The following ATXN7 variants were observed in gnomAD, a reference collection of about 807,000 sequenced individuals.
ATXN7 encodes ataxin-7.
A neutral mutation model predicts 70.5 loss-of-function variants in ATXN7; 12 were observed. That is an observed-to-expected ratio of 0.17 (90% CI 0.11 to 0.28). ATXN7 has a LOEUF of 0.28. ATXN7 is among the 10% of genes least tolerant of loss of function. The pLI is 1.00. For missense variants in ATXN7, 1,256 were observed against 1,131.7 expected, an observed-to-expected ratio of 1.11 and a Z score of -1.58; for synonymous variants, 498 against 448.7, an observed-to-expected ratio of 1.11 and a Z score of -1.39.
chr3:63,871,237 G>C (rs1702583370), intron 1 of ATXN7, among the ~76,000 whole-genome samples: 1 of 152,126 alleles, frequency 6.6e-6, no homozygotes, highest in African/African-American at 2.4e-5. Context: ...CAAATGTACA[G>C]TAAATACAGT....
chr3:63,908,984 T>G (rs575594113), intron 2 of ATXN7, among the ~76,000 whole-genome samples: 2 of 152,260 alleles, frequency 1.3e-5, no homozygotes, highest in African/African-American at 2.4e-5. Context: ...TGGTGACAGT[T>G]TTGATGAATT....
At position 63,995,712 on chromosome 3, in the gene ATXN7, T is replaced by C. The variant is rs552650114; in HGVS notation, c.1890T>C (p.Ala630=). 1.2e-6 allele frequency: 2 copies of C among 1,614,246 alleles called. No homozygotes were observed. Among genetic ancestry groups the C allele is most frequent in the Admixed American group, 3.3e-5 (2 of 60,024 alleles). The change falls in exon 12 of 13, where the codon GCT becomes GCC. Residue 630 remains alanine (A), a synonymous_variant. Coordinates refer to ENST00000674280, the MANE Select transcript of ATXN7 (RefSeq NM_001377405.1). ...GAACCACACTAAATGCACAGCCTGC[T>C]GCTTCAGGGGCGATGGATCCTGTGT... ...AHGTTLNAQP[A]ASGAMDPVCS... is the part of the protein sequence containing the mutation.
chr3:63,984,993 G>T (rs1030745446), intron 8 of ATXN7, among the ~76,000 whole-genome samples: 1 of 152,132 alleles, frequency 6.6e-6, no homozygotes, highest in Non-Finnish European at 1.5e-5. Context: ...TAGTATTCCA[G>T]TGTATGTATA....
chr3:63,868,409 T>C (rs1702498636), intron 1 of ATXN7, among the ~76,000 whole-genome samples: 1 of 152,204 alleles, frequency 6.6e-6, no homozygotes, highest in Non-Finnish European at 1.5e-5. Context: ...TAGCTCCTCT[T>C]TGGCCCGCAA....
Position 63,999,947 on chromosome 3 carries a change from A to T in ATXN7, c.*480A>T, listed in dbSNP as rs2075816830. 5.6e-6 allele frequency: 1 copy of T among 178,446 alleles called. No homozygotes were observed. Among genetic ancestry groups the T allele is most frequent in the Admixed American group, 5.6e-5 (1 of 17,966 alleles). The allele number at this position is 178,446 out of a possible 1,614,324, so 11.1% of individuals were successfully genotyped here. ...TTAGGCACCTTAACTGGAGACCAGA[A>T]ACCTTCCAGAGAACACAGGGCTGCA... On this transcript the variant is annotated 3_prime_UTR_variant, in exon 13 of 13. Transcript: ENST00000674280.
intron 1 of ATXN7, among the ~76,000 whole-genome samples, chr3:63,879,919 T>TAA (rs34232745): frequency 6.6e-6 from 1 of 150,578 alleles, no homozygotes; most frequent in South Asian, 2.1e-4. Flanking sequence ...CCATCTCTAC[T>TAA]AAAAAAAATA....
At chr3:63,986,113 AG>A (rs1459590698) in intron 8 of ATXN7, among the ~76,000 whole-genome samples, 1 of 152,080 alleles carries the variant, frequency 6.6e-6, no homozygotes, top group African/African-American at 2.4e-5. Context: ...GAGGTAGGAG[AG>A]GTGGAGGAAA....
chr3:63,865,665 G>A (rs1190286052), intron 1 of ATXN7, among the ~76,000 whole-genome samples: 1 of 151,976 alleles, frequency 6.6e-6, no homozygotes, highest in Non-Finnish European at 1.5e-5. Flanking sequence ...GCCGAGGCGG[G>A]AGGATCACGA....
intron 1 of ATXN7, among the ~76,000 whole-genome samples, chr3:63,884,150 A>G (rs890294855): frequency 2.6e-5 from 4 of 151,952 alleles, no homozygotes; most frequent in Non-Finnish European, 2.9e-5. Context: ...CAGGGAATAA[A>G]CAATATGAGC....
At position 63,962,908 on chromosome 3, in the gene ATXN7, C is replaced by CTATT. The variant is rs1553691654; in HGVS notation, c.499+10426_499+10427insATTT. Among the ~76,000 whole-genome samples the CTATT allele has an allele frequency of 1.4e-3, 189 of 136,330 alleles. 1 individual carries two copies. Among genetic ancestry groups the CTATT allele is most frequent in the South Asian group, 4.6e-3 (20 of 4,326 alleles). 89.4% of individuals were successfully genotyped at this position (136,330 alleles called of 152,430 possible). On this transcript the variant is annotated intron_variant, in intron 5 of 12. Coordinates refer to ENST00000674280, the MANE Select transcript of ATXN7 (RefSeq NM_001377405.1). ...GATGTAATACCAGAATTTTGTATTT[C>CTATT]TTTTTTTTTTTTTTTTTTCTTCTTC...
At chr3:63,959,587 G>A in intron 5 of ATXN7, among the ~76,000 whole-genome samples, 1 of 152,018 alleles carries the variant, frequency 6.6e-6, no homozygotes, top group Non-Finnish European at 1.5e-5. Context: ...TTTTTTCTCT[G>A]CTACAAGTGA....
At chr3:63,898,369 C>G (rs535660473) in intron 1 of ATXN7, 30 bp from the exon 2 acceptor site, 2 of 152,180 alleles carry the variant, frequency 1.3e-5, no homozygotes, top group Admixed American at 1.3e-4. Context: ...TCCACTGTTT[C>G]ATCCATTTGC....
intron 4 of ATXN7, among the ~76,000 whole-genome samples, chr3:63,935,232 T>A (rs992032997): frequency 1.3e-5 from 2 of 152,174 alleles, no homozygotes; most frequent in African/African-American, 4.8e-5. Flanking sequence ...GCGATTCCTG[T>A]GGCCCTGCAG....
At chr3:63,913,118 C>T in intron 3 of ATXN7, 39 bp from the exon 4 acceptor site, 1 of 1,600,050 alleles carries the variant, frequency 6.2e-7, no homozygotes, top group Non-Finnish European at 8.6e-7. Flanking sequence ...TGGCCACTGA[C>T]CTGCCTCTCC....
chr3:63,995,561 G>A lies in ATXN7; in HGVS notation c.1739G>A (p.Arg580Gln), dbSNP rs183231074. 1.2e-4 allele frequency: 197 copies of A among 1,614,074 alleles called. 1 individual carries two copies. The Admixed American group carries it at 3.0e-3, about 25-fold the overall frequency. Residue 580 changes from arginine to glutamine, a missense_variant, in exon 12 of 13, where the codon CGG (arginine) becomes CAG (glutamine). Physicochemically the swap from Arg to Gln is conservative, Grantham distance 43. Coordinates refer to ENST00000674280, the MANE Select transcript of ATXN7 (RefSeq NM_001377405.1). ...CCCATCTCCACACGTATTCCTCACCGGACAAACTCTGTGCCGACATCACAA... is the reference window on the plus strand; with the variant it reads ...CCCATCTCCACACGTATTCCTCACCAGACAAACTCTGTGCCGACATCACAA... ...TSPISTRIPH[R>Q]TNSVPTSQCG... is the part of the protein sequence containing the mutation.
intron 2 of ATXN7, chr3:63,904,562 G>GA (rs1234338691): frequency 6.6e-6 from 1 of 152,246 alleles, no homozygotes; most frequent in Non-Finnish European, 1.5e-5. Context: ...AAAGTGCTGG[G>GA]ATTATAGGTG....
intron 1 of ATXN7, among the ~76,000 whole-genome samples, chr3:63,867,653 C>T (rs185824418): frequency 6.0e-5 from 9 of 149,894 alleles, no homozygotes; most frequent in Admixed American, 6.6e-5. Context: ...TGAGGTAGGC[C>T]GAGGCGGGTG....
chr3:63,866,337 A>C (rs1425814738), intron 1 of ATXN7, among the ~76,000 whole-genome samples: 2 of 152,142 alleles, frequency 1.3e-5, no homozygotes, highest in Non-Finnish European at 2.9e-5. Flanking sequence ...TGCAGCCTGG[A>C]ACTCCTGGGC....
chr3:63,900,605 C>A (rs750143468), intron 2 of ATXN7: 13 of 152,316 alleles, frequency 8.5e-5, no homozygotes, highest in Non-Finnish European at 1.6e-4. Flanking sequence ...TGTCCAATCA[C>A]TGACAATGGA....
Sources: gnomAD v4.1 joint callset for allele counts (sites outside exome capture counted in the v4.1 genomes callset) on GRCh38, gnomAD v4.1.1 for gene constraint, MANE v1.5 for transcripts, NCBI Gene and HGNC (gene_info 2026-07-23, HGNC 2026-07-21) for gene names.